Variants in CNTLN observed in about 807,000 individuals in gnomAD.
The protein encoded by CNTLN is centlein, also known as centlein, centrosomal protein.
A neutral mutation model predicts 180.0 loss-of-function variants in CNTLN; 212 were observed. The ratio of observed to expected loss-of-function variants is 1.18; its 90% CI spans 1.05 to 1.32. The LOEUF (loss-of-function observed/expected upper bound fraction) is 1.32, where lower values mean the gene tolerates loss of function less well. CNTLN is among the 40% of genes most tolerant of loss of function. The pLI, the probability that CNTLN is intolerant of heterozygous loss-of-function variation, is 0.00. For missense variants in CNTLN, 2,095 were observed against 1,610.9 expected, an observed-to-expected ratio of 1.30 and a Z score of -5.14; for synonymous variants, 722 against 563.1, an observed-to-expected ratio of 1.28 and a Z score of -3.99.
intron 8 of CNTLN, among the ~76,000 whole-genome samples, chr9:17,311,460 T>TTC (rs1201524933): frequency 6.6e-6 from 1 of 151,476 alleles, no homozygotes; most frequent in Non-Finnish European, 1.5e-5. Context: ...TGTTTTTTTT[T>TTC]TTTTTTTAAG....
At chr9:17,204,036 G>A (rs557567746) in intron 2 of CNTLN, among the ~76,000 whole-genome samples, 33 of 152,136 alleles carry the variant, frequency 2.2e-4, no homozygotes, top group Non-Finnish European at 2.6e-4. Flanking sequence ...CTCTCTAAAC[G>A]GGTTATTCTA....
chr9:17,370,905 T>TAA (rs1230155006), intron 13 of CNTLN, among the ~76,000 whole-genome samples: 3 of 152,146 alleles, frequency 2.0e-5, no homozygotes, highest in Admixed American at 6.5e-5. Flanking sequence ...CCCATATATA[T>TAA]AATGGGTTGC....
intron 6 of CNTLN, among the ~76,000 whole-genome samples, chr9:17,282,579 C>T (rs2132596913): frequency 6.6e-6 from 1 of 152,198 alleles, no homozygotes; most frequent in South Asian, 2.1e-4. Context: ...TGCAGAAGCT[C>T]TTTAGTTTAA....
chr9:17,179,773 A>G (rs1018442480), intron 2 of CNTLN, among the ~76,000 whole-genome samples: 1 of 152,190 alleles, frequency 6.6e-6, no homozygotes, highest in Non-Finnish European at 1.5e-5. Context: ...TGAAGTTGCC[A>G]AACATAATTA....
In CNTLN at chr9:17,453,187, C is replaced by T. The variant is rs181561577; in HGVS notation, c.3115-4337C>T. On this transcript the variant is annotated intron_variant, in intron 18 of 25. Transcript: ENST00000380647. ...AATTGGCTGGGTATGATGGTGCATA[C>T]CTGTAGTCCCTGCTGCTCAGGAGGC... Among the ~76,000 whole-genome samples the T allele has an allele frequency of 1.4e-3, 216 of 152,064 alleles. 1 individual carries two copies. The highest frequency in any genetic ancestry group is 0.013 in the Admixed American group (203 of 15,280).
chr9:17,297,951 G>C (rs1818064469), intron 6 of CNTLN, among the ~76,000 whole-genome samples: 1 of 152,096 alleles, frequency 6.6e-6, no homozygotes, highest in South Asian at 2.1e-4. Context: ...TTACTATAAA[G>C]CTACAAAAGA....
intron 8 of CNTLN, among the ~76,000 whole-genome samples, chr9:17,325,573 A>G (rs1284832676): frequency 1.4e-5 from 2 of 141,762 alleles, no homozygotes; most frequent in Non-Finnish European, 3.2e-5. Flanking sequence ...ACACACACAC[A>G]CACGCACACA....
chr9:17,259,234 A>G (rs905833933), intron 5 of CNTLN, among the ~76,000 whole-genome samples: 10 of 149,554 alleles, frequency 6.7e-5, no homozygotes, highest in Non-Finnish European at 1.5e-4. Flanking sequence ...TGAGATAATC[A>G]TGTGGTTTTT....
At chr9:17,433,072 T>C (rs1829526082) in intron 18 of CNTLN, among the ~76,000 whole-genome samples, 1 of 146,456 alleles carries the variant, frequency 6.8e-6, no homozygotes, top group Non-Finnish European at 1.5e-5. Flanking sequence ...ATGTCTAACC[T>C]CCAAATCTAA....
chr9:17,348,570 G>C (rs1482299086), intron 12 of CNTLN, among the ~76,000 whole-genome samples: 1 of 146,052 alleles, frequency 6.8e-6, no homozygotes, highest in African/African-American at 2.6e-5. Context: ...TTGCTCTGTC[G>C]CCCAGGCTGC....
chr9:17,178,933 C>T lies in CNTLN; in HGVS notation c.449+35557C>T, dbSNP rs78262518. Among the ~76,000 whole-genome samples, 46 of 152,258 alleles carry T rather than the reference C, an allele frequency of 3.0e-4. 2 individuals are homozygous for T. The East Asian group carries it at 8.5e-3, about 28-fold the overall frequency. On this transcript the variant is annotated intron_variant, in intron 2 of 25. Coordinates refer to ENST00000380647, the MANE Select transcript of CNTLN (RefSeq NM_017738.4). ...GGGAGGGCTGTGAGAGCTGCCAGCACGCTGTCACCTCTCAGAAGTGTAGAT... is the reference window on the plus strand; with the variant it reads ...GGGAGGGCTGTGAGAGCTGCCAGCATGCTGTCACCTCTCAGAAGTGTAGAT...
In CNTLN at chr9:17,205,424, G is replaced by T. The variant is rs150164271; in HGVS notation, c.450-20779G>T. 1.6e-3 allele frequency among the ~76,000 whole-genome samples: 250 copies of T among 152,306 alleles called. 1 individual carries two copies. The highest frequency in any genetic ancestry group is 5.8e-3 in the African/African-American group (241 of 41,568). On this transcript the variant is annotated intron_variant, in intron 2 of 25. Coordinates refer to ENST00000380647, the MANE Select transcript of CNTLN (RefSeq NM_017738.4). ...TACATATATTTATGCTTACCAGACT[G>T]GAAGATTCACCACCAGACTGGGAAG...
At chr9:17,340,724 A>T (rs1209764959) in intron 10 of CNTLN, 103 bp from the exon 11 acceptor site, 1 of 936,272 alleles carries the variant, frequency 1.1e-6, no homozygotes, top group East Asian at 3.1e-5. Context: ...TTTACACACT[A>T]TTTTCTTTCA....
At chr9:17,189,072 A>AGT (rs1420432131) in intron 2 of CNTLN, among the ~76,000 whole-genome samples, 1 of 77,278 alleles carries the variant, frequency 1.3e-5, no homozygotes, top group Non-Finnish European at 2.5e-5. Context: ...TTTGGGACTT[A>AGT]GTTTTTTTTT....
chr9:17,251,732 A>G (rs1213786822), intron 5 of CNTLN, among the ~76,000 whole-genome samples: 1 of 151,774 alleles, frequency 6.6e-6, no homozygotes, highest in African/African-American at 2.4e-5. Flanking sequence ...TATCAGTTGT[A>G]TGTGTTGGTA....
chr9:17,372,948 C>A (rs1481794394), intron 13 of CNTLN, among the ~76,000 whole-genome samples: 2 of 152,088 alleles, frequency 1.3e-5, no homozygotes, highest in Non-Finnish European at 2.9e-5. Context: ...GAAAATCTCT[C>A]AAAAAACTGG....
intron 3 of CNTLN, among the ~76,000 whole-genome samples, chr9:17,233,150 C>T (rs1488398137): frequency 6.6e-6 from 1 of 151,964 alleles, no homozygotes; most frequent in African/African-American, 2.4e-5. Context: ...GGATATAATC[C>T]AGAGAAGTGT....
chr9:17,186,990 C>G (rs537640079), intron 2 of CNTLN, among the ~76,000 whole-genome samples: 21 of 151,946 alleles, frequency 1.4e-4, no homozygotes, highest in Non-Finnish European at 2.4e-4. Flanking sequence ...TCTCTGATGT[C>G]TGGATTGTTT....
intron 2 of CNTLN, among the ~76,000 whole-genome samples, chr9:17,207,881 T>C (rs1246315939): frequency 6.6e-6 from 1 of 152,176 alleles, no homozygotes. Flanking sequence ...CTTTAGGTTT[T>C]TCCAAATATA....
Sources: gnomAD v4.1 joint callset for allele counts (sites outside exome capture counted in the v4.1 genomes callset) on GRCh38, gnomAD v4.1.1 for gene constraint, MANE v1.5 for transcripts, NCBI Gene and HGNC (gene_info 2026-07-23, HGNC 2026-07-21) for gene names.